MINDY2: variants seen among roughly 807,000 people sequenced by gnomAD.
MINDY2 encodes the protein MINDY lysine 48 deubiquitinase 2, also known as ubiquitin carboxyl-terminal hydrolase MINDY-2.
MINDY2 carries 52 observed loss-of-function variants against 68.2 expected under a neutral mutation model. The ratio of observed to expected loss-of-function variants is 0.76; its 90% CI spans 0.61 to 0.96. The LOEUF is 0.96. Ranked by LOEUF, MINDY2 falls within the 40% of genes least tolerant of loss-of-function variation. MINDY2 has a pLI of 0.00. For synonymous variants in MINDY2, 372 were observed against 303.0 expected (o/e 1.23, Z -2.36); for missense variants, 881 against 773.4 (o/e 1.14, Z -1.65).
At chr15:58,836,382 T>C (rs2031995114) in intron 6 of MINDY2, among the ~76,000 whole-genome samples, 1 of 152,136 alleles carries the variant, frequency 6.6e-6, no homozygotes, top group Non-Finnish European at 1.5e-5. Flanking sequence ...GGATGGTTTG[T>C]TCAAACCAGG....
At chr15:58,803,085 A>G (rs1449225085) in intron 3 of MINDY2, among the ~76,000 whole-genome samples, 2 of 152,204 alleles carry the variant, frequency 1.3e-5, no homozygotes, top group Non-Finnish European at 2.9e-5. Flanking sequence ...ACCAGTATCA[A>G]ATTTGCAAAA....
chr15:58,854,317 G>T (rs999683337), intron 8 of MINDY2, among the ~76,000 whole-genome samples, 165 bp from the exon 9 acceptor site: 9 of 151,884 alleles, frequency 5.9e-5, no homozygotes, highest in African/African-American at 2.2e-4. Context: ...GAATGGTAGC[G>T]GTAATGGCTC....
chr15:58,858,001 GT>G lies in MINDY2; in HGVS notation c.*3392del, dbSNP rs1444361952. On this transcript the variant is annotated 3_prime_UTR_variant, in exon 9 of 9. Transcript: ENST00000559228. ...CAACACTTAAAAGTACTTTACATAT[GT>G]GTGTTTCTGAAGCAAGTTTTCATGA... The G allele has an allele frequency of 2.0e-5, 3 of 152,262 alleles. No individual in the cohort carries two copies. Among genetic ancestry groups the G allele is most frequent in the African/African-American group, 7.2e-5 (3 of 41,564 alleles). The allele number at this position is 152,262 out of a possible 1,614,324, so 9.4% of individuals were successfully genotyped here.
rs1024069198 is a variant in MINDY2 at position 58,854,741 on chromosome 15, C to G, written c.*131C>G. 2.0e-5 allele frequency: 21 copies of G among 1,048,258 alleles called. No individual in the cohort carries two copies. The highest frequency in any genetic ancestry group is 2.5e-5 in the Admixed American group (1 of 40,446). 64.9% of individuals were successfully genotyped at this position (1,048,258 alleles called of 1,614,324 possible). A position where few individuals can be genotyped will look rare whatever the true frequency, so the allele number is the denominator to read the frequency against. ...GATTTTGTTCGTTTTTTCAGGGGAA[C>G]GGTTGTTACTTAGTTACAATCAGAC... On this transcript the variant is annotated 3_prime_UTR_variant, in exon 9 of 9. Transcript: ENST00000559228.
At chr15:58,811,506 A>G (rs1373036666) in intron 4 of MINDY2, among the ~76,000 whole-genome samples, 1 of 152,230 alleles carries the variant, frequency 6.6e-6, no homozygotes, top group African/African-American at 2.4e-5. Context: ...CAACAGCAGA[A>G]AATAATTGCC....
rs138214495 is a variant in MINDY2 at position 58,772,399 on chromosome 15, T to C, written c.840+164T>C. Among the ~76,000 whole-genome samples, 1,048 of 152,330 alleles carry C rather than the reference T, an allele frequency of 6.9e-3. 12 individuals are homozygous for C. The highest frequency in any genetic ancestry group is 0.024 in the African/African-American group (988 of 41,572). ...CTTCCATGTTGAAGGAATATTCCTT[T>C]ATACATATATCGAAAAGAATTGCCC... is the stretch of plus-strand genomic sequence containing the variant. On this transcript the variant is annotated intron_variant, in intron 1 of 8. Coordinates refer to ENST00000559228, the MANE Select transcript of MINDY2 (RefSeq NM_001040450.3).
At chr15:58,813,343 A>G (rs1302481969) in intron 4 of MINDY2, among the ~76,000 whole-genome samples, 1 of 152,106 alleles carries the variant, frequency 6.6e-6, no homozygotes, top group Non-Finnish European at 1.5e-5. Context: ...AAAAATACAA[A>G]AATCAGCTGG....
At chr15:58,780,429 G>A (rs574527800) in intron 1 of MINDY2, among the ~76,000 whole-genome samples, 1 of 152,064 alleles carries the variant, frequency 6.6e-6, no homozygotes, top group Admixed American at 6.6e-5. Context: ...GAAAATTGAA[G>A]TGCATAAAGT....
At position 58,858,438 on chromosome 15, in the gene MINDY2, CA is replaced by C. The variant is rs2033126090; in HGVS notation, c.*3829del. On this transcript the variant is annotated 3_prime_UTR_variant, in exon 9 of 9. Transcript: ENST00000559228. ...TTGCACTTGCACAAAACCTTCTTAG[CA>C]TTTTGCTTTCAATGAATCAGAAAGT... The C allele has an allele frequency of 6.6e-6, 1 of 152,120 alleles. No individual in the cohort carries two copies. Among genetic ancestry groups the C allele is most frequent in the African/African-American group, 2.4e-5 (1 of 41,436 alleles). The allele number at this position is 152,120 out of a possible 1,614,324, so 9.4% of individuals were successfully genotyped here.
At position 58,854,504 on chromosome 15, in the gene MINDY2, C is replaced by G. The variant is rs766559531; in HGVS notation, c.1760C>G (p.Ser587Cys). The G allele has an allele frequency of 1.2e-6, 2 of 1,613,674 alleles. No homozygotes were observed. The highest frequency in any genetic ancestry group is 2.2e-5 in the South Asian group (2 of 90,986). The change falls in exon 9 of 9, where the codon TCT becomes TGT. Residue 587 changes from serine (S) to cysteine (C), a missense_variant. By Grantham distance (112) the Ser-to-Cys change is moderately radical. Coordinates refer to ENST00000559228, the MANE Select transcript of MINDY2 (RefSeq NM_001040450.3). Reference sequence around the variant, plus strand: ...AAGCAGGGCCAGCCAGCACAAGCCTCTCCATCAAGTGGAAGACAATCTGGG... The same window carrying G: ...AAGCAGGGCCAGCCAGCACAAGCCTGTCCATCAAGTGGAAGACAATCTGGG... ...QAQQGQPAQASPSSGRQSGNS... is the reference protein window; with the variant it reads ...QAQQGQPAQACPSSGRQSGNS...
At chr15:58,772,810 T>C (rs1460379782) in intron 1 of MINDY2, among the ~76,000 whole-genome samples, 2 of 152,248 alleles carry the variant, frequency 1.3e-5, no homozygotes, top group Admixed American at 1.3e-4. Context: ...CAAAGATTGT[T>C]TTCATTTTAT....
intron 2 of MINDY2, among the ~76,000 whole-genome samples, chr15:58,793,784 A>G (rs564699730): frequency 2.0e-4 from 30 of 152,190 alleles, no homozygotes; most frequent in Admixed American, 1.0e-3. Flanking sequence ...TCTCAATGAA[A>G]TAGGAAACAA....
intron 6 of MINDY2, among the ~76,000 whole-genome samples, chr15:58,837,844 C>T (rs1174783332): frequency 1.3e-5 from 2 of 151,504 alleles, no homozygotes; most frequent in Admixed American, 6.6e-5. Context: ...TGGTGTGTGC[C>T]CATAGTCCCA....
chr15:58,811,800 GGA>G lies in MINDY2; in HGVS notation c.1122+1416_1122+1417del, dbSNP rs566108913. ...TTAGTCTCCCGAATAGAGAAGAAAT[GGA>G]GAGTCAATTGGAAGGGTGAAAGGAA... On this transcript the variant is annotated intron_variant, in intron 4 of 8. Transcript: ENST00000559228. Among the ~76,000 whole-genome samples, 29 of 152,176 alleles carry G rather than the reference GGA, an allele frequency of 1.9e-4. No individual in the cohort carries two copies. The South Asian group carries it at 5.6e-3, about 29-fold the overall frequency.
intron 7 of MINDY2, among the ~76,000 whole-genome samples, chr15:58,848,687 A>T (rs1469744574): frequency 2.0e-5 from 3 of 152,204 alleles, no homozygotes; most frequent in African/African-American, 7.2e-5. Context: ...CAGAGCTTGC[A>T]GCGAGCCGAG....
At chr15:58,796,658 G>T (rs1231728261) in intron 2 of MINDY2, among the ~76,000 whole-genome samples, 2 of 152,128 alleles carry the variant, frequency 1.3e-5, no homozygotes, top group South Asian at 4.1e-4. Flanking sequence ...TGAGTAGCTG[G>T]GATTATAGGC....
At chr15:58,825,058 A>C (rs2031306289) in intron 5 of MINDY2, among the ~76,000 whole-genome samples, 1 of 152,206 alleles carries the variant, frequency 6.6e-6, no homozygotes, top group African/African-American at 2.4e-5. Context: ...CTTTCCCTTT[A>C]AATCAATAAA....
At chr15:58,803,144 A>G (rs1182163218) in intron 3 of MINDY2, among the ~76,000 whole-genome samples, 1 of 152,192 alleles carries the variant, frequency 6.6e-6, no homozygotes, top group African/African-American at 2.4e-5. Flanking sequence ...TTTAATGTTC[A>G]GATAATCTAG....
intron 2 of MINDY2, among the ~76,000 whole-genome samples, chr15:58,791,318 A>G (rs1165675151): frequency 6.8e-6 from 1 of 147,664 alleles, no homozygotes; most frequent in Non-Finnish European, 1.5e-5. Context: ...AATGATAGAA[A>G]TGTTCTGTAT....
Sources: gnomAD v4.1 joint callset for allele counts (sites outside exome capture counted in the v4.1 genomes callset) on GRCh38, gnomAD v4.1.1 for gene constraint, MANE v1.5 for transcripts, NCBI Gene and HGNC (gene_info 2026-07-23, HGNC 2026-07-21) for gene names.